RGS3: variants seen among roughly 807,000 people sequenced by gnomAD.
The protein encoded by RGS3 is regulator of G protein signaling 3, also known as regulator of G-protein signalling 3.
A neutral mutation model predicts 132.6 loss-of-function variants in RGS3; 80 were observed. The observed-to-expected ratio is 0.60, with a 90% CI of 0.50 to 0.73. The LOEUF (loss-of-function observed/expected upper bound fraction) is 0.73, where lower values mean the gene tolerates loss of function less well. Ranked by LOEUF, RGS3 falls within the 30% of genes least tolerant of loss-of-function variation. The pLI is 0.00. For missense variants in RGS3, 1,382 were observed against 1,530.8 expected (o/e 0.90, Z 1.62); for synonymous variants, 598 against 620.6 (o/e 0.96, Z 0.54).
At chr9:113,462,350 G>A (rs913305757) in intron 3 of RGS3, 3 of 631,844 alleles carry the variant, frequency 4.7e-6, no homozygotes, top group South Asian at 2.1e-5. Context: ...AGGACTTCAC[G>A]AAGTGCCAGG....
chr9:113,488,522 A>G (rs761242273), intron 7 of RGS3, among the ~76,000 whole-genome samples: 2 of 152,212 alleles, frequency 1.3e-5, no homozygotes, highest in Non-Finnish European at 2.9e-5. Context: ...GCAGAGTGTC[A>G]GAGAGGCATA....
intron 3 of RGS3, among the ~76,000 whole-genome samples, chr9:113,471,166 T>C (rs1829817751): frequency 6.6e-6 from 1 of 152,142 alleles, no homozygotes; most frequent in South Asian, 2.1e-4. Flanking sequence ...CTGGAGTAGC[T>C]GTGTCTGATT....
intron 19 of RGS3, among the ~76,000 whole-genome samples, chr9:113,570,030 G>A (rs944917911): frequency 6.6e-6 from 1 of 152,218 alleles, no homozygotes; most frequent in Non-Finnish European, 1.5e-5. Context: ...TAGGGAGGTT[G>A]TATAGGAATA....
At chr9:113,479,512 A>G (rs1312814160) in exon 4 of RGS3, 9 of 1,614,140 alleles carry the variant, frequency 5.6e-6, no homozygotes, top group Non-Finnish European at 6.8e-6. Flanking sequence ...CTGTCCATTG[A>G]TGCCCAGGAC....
At chr9:113,576,164 C>G (rs2118922704) in intron 19 of RGS3, among the ~76,000 whole-genome samples, 1 of 151,778 alleles carries the variant, frequency 6.6e-6, no homozygotes, top group South Asian at 2.1e-4. Context: ...CACGCCACTG[C>G]ACTCCAGCCT....
intron 7 of RGS3, among the ~76,000 whole-genome samples, chr9:113,493,193 C>G (rs141501733): frequency 1.6e-3 from 247 of 152,348 alleles, no homozygotes; most frequent in African/African-American, 5.7e-3. Flanking sequence ...ATGATAGTCA[C>G]TGCAACTGCC....
chr9:113,447,278 AAAG>A (rs1829123005), intron 1 of RGS3, among the ~76,000 whole-genome samples: 1 of 133,250 alleles, frequency 7.5e-6, no homozygotes, highest in African/African-American at 2.7e-5. Flanking sequence ...AAAAAAAAAA[AAAG>A]AAAAATACAG....
chr9:113,498,920 TG>T (rs1361695823), intron 10 of RGS3, among the ~76,000 whole-genome samples: 1 of 102,462 alleles, frequency 9.8e-6, no homozygotes. Context: ...CTGTCTCAAT[TG>T]AAAAAAAAAA....
At chr9:113,594,227 G>T in intron 21 of RGS3, 1 of 1,612,850 alleles carries the variant, frequency 6.2e-7, no homozygotes, top group Non-Finnish European at 8.5e-7. Context: ...AGCCAGAGTG[G>T]TGCCTCCTAC....
In RGS3 at chr9:113,591,444, C is replaced by A. The variant is rs372363009; in HGVS notation, c.3080+47C>A. On this transcript the variant is annotated intron_variant, in intron 21 of 24. Transcript: ENST00000350696. The surrounding 1 kb of genome is among the most constrained non-coding windows in gnomAD (Gnocchi z 4.4). ...CTTCTGCGCTCCTCTTCCTCCCTTG[C>A]CCCAGGGCTTGTCTCTCCTCTAGGG... The A allele has an allele frequency of 1.9e-5, 29 of 1,548,488 alleles. No individual in the cohort carries two copies. The African/African-American group carries it at 3.3e-4, about 17-fold the overall frequency.
intron 19 of RGS3, among the ~76,000 whole-genome samples, chr9:113,559,425 A>G (rs1484871444): frequency 6.6e-6 from 1 of 152,224 alleles, no homozygotes; most frequent in Non-Finnish European, 1.5e-5. Context: ...GGCGTGCCCC[A>G]GGATGGAGGC....
intron 19 of RGS3, chr9:113,570,239 C>T (rs1376733908): frequency 1.3e-5 from 2 of 152,132 alleles, no homozygotes; most frequent in East Asian, 1.9e-4. Flanking sequence ...GTGCCACTAG[C>T]GCCCATCTCA....
chr9:113,445,730 G>A (rs1478078332), intron 1 of RGS3, among the ~76,000 whole-genome samples: 1 of 152,174 alleles, frequency 6.6e-6, no homozygotes, highest in Non-Finnish European at 1.5e-5. Context: ...CCAGGCTGGA[G>A]GGCGGTGGCG....
intron 19 of RGS3, among the ~76,000 whole-genome samples, chr9:113,571,331 T>A (rs1363556895): frequency 6.6e-6 from 1 of 152,238 alleles, no homozygotes. Context: ...ATGATATTAT[T>A]TTCCAAAGTG....
At chr9:113,496,678 G>A (rs1355601951) in intron 8 of RGS3, among the ~76,000 whole-genome samples, 2 of 152,084 alleles carry the variant, frequency 1.3e-5, no homozygotes, top group Admixed American at 6.5e-5. Context: ...AGCCTCCTGA[G>A]TAGCTGGGAT....
chr9:113,573,174 G>A (rs138220635), intron 19 of RGS3, among the ~76,000 whole-genome samples: 247 of 152,332 alleles, frequency 1.6e-3, no homozygotes, highest in African/African-American at 5.7e-3. Context: ...GTACCTTGAC[G>A]TAGGAGGTGG....
intron 17 of RGS3, among the ~76,000 whole-genome samples, chr9:113,527,795 T>G (rs1832280572): frequency 6.6e-6 from 1 of 152,226 alleles, no homozygotes; most frequent in South Asian, 2.1e-4. Flanking sequence ...CTGTCTTCTC[T>G]TTGCAACTAA....
chr9:113,583,595 C>A, exon 20 of RGS3: 1 of 1,614,174 alleles, frequency 6.2e-7, no homozygotes, highest in South Asian at 1.1e-5. Flanking sequence ...AACAAGGACT[C>A]CCCTTCTGGG....
In RGS3 at chr9:113,463,875, A is replaced by G; in HGVS notation, c.415+1674A>G. The G allele has an allele frequency of 1.2e-6, 2 of 1,612,308 alleles. No individual in the cohort carries two copies. The highest frequency in any genetic ancestry group is 1.1e-5 in the South Asian group (1 of 90,936). On this transcript the variant is annotated intron_variant, in intron 3 of 24. Transcript: ENST00000350696. This position sits in a 1 kb window ranked among gnomAD's most constrained non-coding sequence, Gnocchi z 4.6. ...CCCGGACTTGTCCTTCTACCTCACC[A>G]CCTTTGGTAAGTGCCCGCTGGGGCT...
Sources: gnomAD v4.1 joint callset for allele counts (sites outside exome capture counted in the v4.1 genomes callset) on GRCh38, gnomAD v4.1.1 for gene constraint, Gnocchi (gnomAD v3.1) non-coding constraint, MANE v1.5 for transcripts, NCBI Gene and HGNC (gene_info 2026-07-23, HGNC 2026-07-21) for gene names.